Variants in RBM27 observed in about 807,000 individuals in gnomAD.
The protein encoded by RBM27 is RNA-binding protein 27.
A neutral mutation model predicts 135.3 loss-of-function variants in RBM27; 22 were observed. That is an observed-to-expected ratio of 0.16 (90% confidence interval 0.12 to 0.23). RBM27 has a LOEUF of 0.23. Ranked by LOEUF, RBM27 falls within the 10% of genes least tolerant of loss-of-function variation. The probability of loss-of-function intolerance (pLI) is 1.00; values close to 1 mark genes in which losing one functional copy is unlikely to be tolerated. For synonymous variants in RBM27, 481 were observed against 442.4 expected (o/e 1.09, Z -1.10); for missense variants, 1,009 against 1,281.0 (o/e 0.79, Z 3.24).
intron 12 of RBM27, 80 bp from the exon 13 acceptor site, chr5:146,261,430 A>T: frequency 8.5e-7 from 1 of 1,182,452 alleles, no homozygotes; most frequent in Non-Finnish European, 1.2e-6. Context: ...TGGGGAAAAC[A>T]TTCATTACAT....
rs1280123997 is a variant in RBM27, at chr5:146,246,864, G to GTT, written c.1280-4830_1280-4829dup. Among the ~76,000 whole-genome samples the GTT allele has an allele frequency of 2.8e-3, 378 of 135,110 alleles. 3 individuals are homozygous for GTT. Among genetic ancestry groups the GTT allele is most frequent in the African/African-American group, 9.2e-3 (343 of 37,122 alleles). The allele number at this position is 135,110 out of a possible 152,430, so 88.6% of individuals were successfully genotyped here. A position where few individuals can be genotyped will look rare whatever the true frequency, so the allele number is the denominator to read the frequency against. Reference sequence around the variant, plus strand: ...CTGACTTGATTATTTTAGTGCTGTGGTTTTTTTTTTTTTTTTTTAGACAAG... The same window carrying GTT: ...CTGACTTGATTATTTTAGTGCTGTGGTTTTTTTTTTTTTTTTTTTTAGACAAG... On this transcript the variant is annotated intron_variant, in intron 8 of 20. Coordinates refer to ENST00000265271, the MANE Select transcript of RBM27 (RefSeq NM_018989.2).
intron 11 of RBM27, among the ~76,000 whole-genome samples, chr5:146,259,690 G>A (rs1470077035): frequency 6.7e-6 from 1 of 150,372 alleles, no homozygotes; most frequent in Non-Finnish European, 1.5e-5. Context: ...TAAGAATAAT[G>A]TGGCCGGGCG....
chr5:146,244,428 AC>A (rs1258157936), intron 8 of RBM27, among the ~76,000 whole-genome samples: 1 of 152,190 alleles, frequency 6.6e-6, no homozygotes, highest in African/African-American at 2.4e-5. Flanking sequence ...AATGTCATAG[AC>A]CCTGTGAAAA....
chr5:146,279,476 C>T (rs1323322510), intron 19 of RBM27, among the ~76,000 whole-genome samples: 1 of 149,226 alleles, frequency 6.7e-6, no homozygotes, highest in East Asian at 2.0e-4. Context: ...AAAAACAAAA[C>T]TTTTAAAAAT....
At chr5:146,279,823 A>AG (rs1464625035) in intron 19 of RBM27, among the ~76,000 whole-genome samples, 2 of 151,874 alleles carry the variant, frequency 1.3e-5, no homozygotes, top group Admixed American at 1.3e-4. Flanking sequence ...AAAAAAAAAA[A>AG]AAAGTATGAC....
At chr5:146,265,053 A>T (rs1461031173) in intron 14 of RBM27, among the ~76,000 whole-genome samples, 1 of 152,240 alleles carries the variant, frequency 6.6e-6, no homozygotes, top group Non-Finnish European at 1.5e-5. Context: ...ATCTGCAAAA[A>T]TTATGCATAT....
intron 8 of RBM27, among the ~76,000 whole-genome samples, chr5:146,248,147 A>G (rs989749211): frequency 1.3e-5 from 2 of 150,218 alleles, no homozygotes; most frequent in Admixed American, 6.6e-5. Flanking sequence ...TTAACATTTG[A>G]TATGTTTCAC....
At chr5:146,228,658 T>A (rs1756789888) in intron 3 of RBM27, among the ~76,000 whole-genome samples, 1 of 152,122 alleles carries the variant, frequency 6.6e-6, no homozygotes, top group South Asian at 2.1e-4. Flanking sequence ...TGTGGTGCAG[T>A]GGTGTGATCA....
At chr5:146,243,124 G>A (rs1364943224) in intron 8 of RBM27, among the ~76,000 whole-genome samples, 5 of 151,834 alleles carry the variant, frequency 3.3e-5, no homozygotes, top group Non-Finnish European at 7.4e-5. Context: ...AAATTAGCTG[G>A]GTGTGGTGGT....
intron 8 of RBM27, among the ~76,000 whole-genome samples, chr5:146,246,411 T>C (rs954752506): frequency 1.3e-5 from 2 of 152,232 alleles, no homozygotes; most frequent in Non-Finnish European, 2.9e-5. Flanking sequence ...GAACATGAAC[T>C]TGGGATGTTT....
rs1373741452 is a variant in RBM27 at position 146,286,261 on chromosome 5, A to T, written c.*231A>T. The T allele has an allele frequency of 2.8e-6, 1 of 360,710 alleles. No individual in the cohort carries two copies. Among genetic ancestry groups the T allele is most frequent in the African/African-American group, 2.1e-5 (1 of 46,906 alleles). 22.3% of individuals were successfully genotyped at this position (360,710 alleles called of 1,614,324 possible). ...AGTTGTGAAGATCCACAGCAATGAC[A>T]TGGATAATCTCTAGAGCCTTATTTT... On this transcript the variant is annotated 3_prime_UTR_variant, in exon 21 of 21. Coordinates refer to ENST00000265271, the MANE Select transcript of RBM27 (RefSeq NM_018989.2).
At chr5:146,256,459 C>G (rs1044308559) in intron 10 of RBM27, among the ~76,000 whole-genome samples, 19 of 151,440 alleles carry the variant, frequency 1.3e-4, no homozygotes, top group African/African-American at 4.6e-4. Flanking sequence ...AAGCGATTCT[C>G]CCACCTCAGC....
chr5:146,228,559 G>A (rs934568663), intron 3 of RBM27, among the ~76,000 whole-genome samples: 3 of 151,622 alleles, frequency 2.0e-5, no homozygotes, highest in African/African-American at 7.3e-5. Context: ...TGGGATTATA[G>A]GTGTGAATCA....
intron 1 of RBM27, among the ~76,000 whole-genome samples, chr5:146,218,523 A>T (rs1756311753): frequency 6.6e-6 from 1 of 152,210 alleles, no homozygotes; most frequent in African/African-American, 2.4e-5. Context: ...GCTGATAGCC[A>T]TTTTTAGATA....
At chr5:146,284,117 T>C (rs1759483785) in intron 19 of RBM27, among the ~76,000 whole-genome samples, 1 of 152,216 alleles carries the variant, frequency 6.6e-6, no homozygotes, top group Non-Finnish European at 1.5e-5. Flanking sequence ...GTTTATTGAA[T>C]GCATAGATGA....
chr5:146,259,317 AC>A (rs900002922), intron 11 of RBM27, among the ~76,000 whole-genome samples: 1 of 151,436 alleles, frequency 6.6e-6, no homozygotes, highest in Non-Finnish European at 1.5e-5. Flanking sequence ...GGAGTTCGAG[AC>A]CAGCCTGACC....
At chr5:146,211,464 C>CTTTTTTTTT (rs57117642) in intron 1 of RBM27, among the ~76,000 whole-genome samples, 20 of 49,930 alleles carry the variant, frequency 4.0e-4, no homozygotes, top group Admixed American at 1.2e-3. Context: ...ATGGTCTTAT[C>CTTTTTTTTT]TTTTTTTTTT....
At chr5:146,212,383 C>T (rs778535314) in intron 1 of RBM27, among the ~76,000 whole-genome samples, 3 of 151,922 alleles carry the variant, frequency 2.0e-5, no homozygotes, top group African/African-American at 4.8e-5. Context: ...GGGTTTTGCT[C>T]TGTCACCCAG....
intron 9 of RBM27, among the ~76,000 whole-genome samples, chr5:146,253,003 T>C (rs1160151646): frequency 6.6e-6 from 1 of 152,138 alleles, no homozygotes; most frequent in African/African-American, 2.4e-5. Flanking sequence ...ATTTATTTAT[T>C]TTTGAGACAG....
Sources: allele counts gnomAD v4.1 joint callset (sites outside exome capture counted in the v4.1 genomes callset), GRCh38; gene constraint gnomAD v4.1.1; transcripts MANE v1.5; gene names NCBI Gene and HGNC (gene_info 2026-07-23, HGNC 2026-07-21).